The following TGFBR3L variants were observed in gnomAD, a reference collection of about 807,000 sequenced individuals.
The protein encoded by TGFBR3L is transforming growth factor beta receptor 3 like.
TGFBR3L carries 21 observed loss-of-function variants against 20.4 expected under a neutral mutation model. The ratio of observed to expected loss-of-function variants is 1.03; its 90% CI spans 0.73 to 1.48. TGFBR3L has a LOEUF of 1.48. Among genes scored for constraint, TGFBR3L ranks in the 40% most tolerant of loss-of-function variants. TGFBR3L has a pLI of 0.00. For synonymous variants in TGFBR3L, 245 were observed against 244.2 expected (o/e 1.00, Z -0.03); for missense variants, 479 against 498.0 (o/e 0.96, Z 0.36).
rs530905945 is a variant in TGFBR3L, at chr19:7,915,389, A to C, written c.-879A>C. 4.6e-5 allele frequency among the ~76,000 whole-genome samples: 7 copies of C among 152,192 alleles called. No homozygotes were observed. In the East Asian group the frequency reaches 9.7e-4, roughly 21 times the overall value. On this transcript the variant is annotated 5_prime_UTR_variant, in exon 1 of 6. Coordinates refer to ENST00000565886, the MANE Select transcript of TGFBR3L (RefSeq NM_001195259.2). Reference sequence around the variant, plus strand: ...CATCCCAAGGGTGGCTCACATCCCCACTTCGGCAAAGCTCCCTGCAGCCAC... The same window carrying C: ...CATCCCAAGGGTGGCTCACATCCCCCCTTCGGCAAAGCTCCCTGCAGCCAC...
At chr19:7,917,662 T>G (rs1035660678) in intron 3 of TGFBR3L, 39 bp from the exon 5 acceptor site, 7 of 1,428,502 alleles carry the variant, frequency 4.9e-6, no homozygotes, top group Admixed American at 2.8e-5. Flanking sequence ...GAAGGACGCC[T>G]GGGAGCTGGA....
Position 7,916,150 on chromosome 19 carries a change from C to T in TGFBR3L, c.-118C>T. On this transcript the variant is annotated 5_prime_UTR_variant, in exon 1 of 6. Transcript: ENST00000565886. ...GCCCCAGGGAGGGCTTCGCCAGCTT[C>T]GGAGGCTTCTCTAGGGGCGCATGGC... The T allele has an allele frequency of 7.0e-7, 1 of 1,437,498 alleles. No individual in the cohort carries two copies. Among genetic ancestry groups the T allele is most frequent in the Non-Finnish European group, 9.1e-7 (1 of 1,099,760 alleles). The allele number at this position is 1,437,498 out of a possible 1,614,324, so 89.0% of individuals were successfully genotyped here.
intron 2 of TGFBR3L, 105 bp from the exon 4 acceptor site, chr19:7,917,368 G>A (rs1983357668): frequency 7.1e-7 from 1 of 1,400,100 alleles, no homozygotes; most frequent in Non-Finnish European, 9.3e-7. Context: ...CATCTTGGCT[G>A]TGGTGGAGAG....
Position 7,915,218 on chromosome 19 carries a change from G to A in TGFBR3L, c.-1050G>A, listed in dbSNP as rs1178677759. Among the ~76,000 whole-genome samples, 1 of 152,030 alleles carries A rather than the reference G, an allele frequency of 6.6e-6. No individual in the cohort carries two copies. Among genetic ancestry groups the A allele is most frequent in the Non-Finnish European group, 1.5e-5 (1 of 67,982 alleles). On this transcript the variant is annotated 5_prime_UTR_variant, in exon 1 of 6. Transcript: ENST00000565886. ...TCGAACTCCTGACCTCAGGCGATCCGCCCGCCTCGAACTTTTCAAAGTGCT... is the reference window on the plus strand; with the variant it reads ...TCGAACTCCTGACCTCAGGCGATCCACCCGCCTCGAACTTTTCAAAGTGCT...
At position 7,916,192 on chromosome 19, in the gene TGFBR3L, T is replaced by A; in HGVS notation, c.-76T>A. On this transcript the variant is annotated 5_prime_UTR_variant, in exon 1 of 6. Transcript: ENST00000565886. The stretch of plus-strand genomic sequence containing the variant: ...GCGCATGGCTCTGCAACCGGCTCAG[T>A]TGCTGGGCTGTGCGAGTCCCAGGGG... The A allele has an allele frequency of 6.7e-7, 1 of 1,487,904 alleles. No homozygotes were observed. The highest frequency in any genetic ancestry group is 8.9e-7 in the Non-Finnish European group (1 of 1,121,838). 92.2% of individuals were successfully genotyped at this position (1,487,904 alleles called of 1,614,324 possible).
Position 7,916,058 on chromosome 19 carries a change from A to C in TGFBR3L, c.-210A>C. 1 of 890,318 alleles carries C rather than the reference A, an allele frequency of 1.1e-6. No individual in the cohort carries two copies. 55.2% of individuals were successfully genotyped at this position (890,318 alleles called of 1,614,324 possible). A position where few individuals can be genotyped will look rare whatever the true frequency, so the allele number is the denominator to read the frequency against. On this transcript the variant is annotated 5_prime_UTR_variant, in exon 1 of 6. Coordinates refer to ENST00000565886, the MANE Select transcript of TGFBR3L (RefSeq NM_001195259.2). Reference sequence around the variant, plus strand: ...GCGTCCCCAAGAGCAGCCCTGGGGAAGGTGGGGGAGCTCTGACTTCACCCA... The same window carrying C: ...GCGTCCCCAAGAGCAGCCCTGGGGACGGTGGGGGAGCTCTGACTTCACCCA...
rs1205946032 is a variant in TGFBR3L at position 7,916,634 on chromosome 19, C to T, written c.289C>T (p.Arg97Cys). The T allele has an allele frequency of 2.8e-5, 40 of 1,421,132 alleles. No homozygotes were observed. Among genetic ancestry groups the T allele is most frequent in the Non-Finnish European group, 3.5e-5 (38 of 1,098,816 alleles). The allele number at this position is 1,421,132 out of a possible 1,614,324, so 88.0% of individuals were successfully genotyped here. The stretch of plus-strand genomic sequence containing the variant: ...CTCCGTCCCCCAGGCGGCCTTGGCC[C>T]GTCCCTCCCCGCGCTGGGGCCTGGC... Residue 97 changes from arginine to cysteine, a missense_variant, in exon 2 of 6, where the codon CGT (arginine) becomes TGT (cysteine). Coordinates refer to ENST00000565886, the MANE Select transcript of TGFBR3L (RefSeq NM_001195259.2).
Position 7,916,516 on chromosome 19 carries a change from C to T in TGFBR3L, c.249C>T (p.Val83=). 4.0e-6 allele frequency: 6 copies of T among 1,511,560 alleles called. No homozygotes were observed. Among genetic ancestry groups the T allele is most frequent in the Non-Finnish European group, 5.3e-6 (6 of 1,132,458 alleles). The allele number at this position is 1,511,560 out of a possible 1,614,324, so 93.6% of individuals were successfully genotyped here. A position where few individuals can be genotyped will look rare whatever the true frequency, so the allele number is the denominator to read the frequency against. The stretch of plus-strand genomic sequence containing the variant: ...CTCGCCGCGCGGGGCCGCTCGAGGT[C>T]CCGGCCGACAGCCGCGTGTTCGTGC... Residue 83 remains valine, a synonymous_variant, in exon 1 of 6, where the codon GTC becomes GTT. Transcript: ENST00000565886.
chr19:7,915,488 G>A lies in TGFBR3L; in HGVS notation c.-780G>A, dbSNP rs776733923. The stretch of plus-strand genomic sequence containing the variant: ...CAGAAGTGGGTGTGGTGTGCGGATG[G>A]ACAAGGGGGCTCATGCCTGTAATCC... On this transcript the variant is annotated 5_prime_UTR_variant, in exon 1 of 6. Coordinates refer to ENST00000565886, the MANE Select transcript of TGFBR3L (RefSeq NM_001195259.2). 5.9e-5 allele frequency among the ~76,000 whole-genome samples: 9 copies of A among 152,200 alleles called. No homozygotes were observed. Among genetic ancestry groups the A allele is most frequent in the Non-Finnish European group, 1.0e-4 (7 of 68,036 alleles).
chr19:7,917,666 A>G (rs1280736267), intron 3 of TGFBR3L, 35 bp from the exon 5 acceptor site: 1 of 1,426,732 alleles, frequency 7.0e-7, no homozygotes, highest in South Asian at 1.4e-5. Context: ...GACGCCTGGG[A>G]GCTGGACCCA....
chr19:7,918,491 C>T (rs1983427143), intron 5 of TGFBR3L, among the ~76,000 whole-genome samples: 1 of 152,222 alleles, frequency 6.6e-6, no homozygotes, highest in African/African-American at 2.4e-5. Flanking sequence ...CCGCTTCGGT[C>T]TCCCAAAGTG....
In TGFBR3L at chr19:7,917,453, C is replaced by A. The variant is rs1384398961; in HGVS notation, c.598-20C>A. The A allele has an allele frequency of 4.6e-6, 7 of 1,522,174 alleles. No individual in the cohort carries two copies. The highest frequency in any genetic ancestry group is 6.1e-6 in the Non-Finnish European group (7 of 1,141,138). The allele number at this position is 1,522,174 out of a possible 1,614,324, so 94.3% of individuals were successfully genotyped here. On this transcript the variant is annotated intron_variant, in intron 2 of 5. Coordinates refer to ENST00000565886, the MANE Select transcript of TGFBR3L (RefSeq NM_001195259.2). ...GGTGCCCTGATGTCCCCGTCTCTTC[C>A]CCACCTTCCTCTCCCCCAGTGTCTG...
chr19:7,917,831 CG>C lies in TGFBR3L; in HGVS notation c.858del (p.Leu287TrpfsTer90). The C allele has an allele frequency of 7.2e-7, 1 of 1,381,904 alleles. No individual in the cohort carries two copies. Among genetic ancestry groups the C allele is most frequent in the Non-Finnish European group, 9.3e-7 (1 of 1,075,790 alleles). The allele number at this position is 1,381,904 out of a possible 1,614,324, so 85.6% of individuals were successfully genotyped here. A position where few individuals can be genotyped will look rare whatever the true frequency, so the allele number is the denominator to read the frequency against. On this transcript the variant is annotated frameshift_variant, in exon 4 of 6. Coordinates refer to ENST00000565886, the MANE Select transcript of TGFBR3L (RefSeq NM_001195259.2). LOFTEE classifies it high-confidence loss of function. ...TCGTGCTGGGCGCCGCGCTGGCCGC[CG>C]GGCTGGGTCTCGTCTGTGCGCACTC...
rs1164142148 is a variant in TGFBR3L, at chr19:7,918,774, A to G, written c.*6-143A>G. ...GGGGCATTAGGTGAGGAGAGGCACT[A>G]GGCGAGGAGAACTCAGCATTCGGAC... On this transcript the variant is annotated intron_variant, in intron 5 of 5. Coordinates refer to ENST00000565886, the MANE Select transcript of TGFBR3L (RefSeq NM_001195259.2). The G allele has an allele frequency of 1.5e-5, 6 of 396,862 alleles. No homozygotes were observed. The Admixed American group carries it at 2.6e-4, about 18-fold the overall frequency. The allele number at this position is 396,862 out of a possible 1,614,324, so 24.6% of individuals were successfully genotyped here. A position where few individuals can be genotyped will look rare whatever the true frequency, so the allele number is the denominator to read the frequency against.
chr19:7,916,728 A>G lies in TGFBR3L; in HGVS notation c.383A>G (p.Glu128Gly). 3 of 1,484,074 alleles carry G rather than the reference A, an allele frequency of 2.0e-6. No individual in the cohort carries two copies. Among genetic ancestry groups the G allele is most frequent in the Non-Finnish European group, 1.8e-6 (2 of 1,123,926 alleles). The allele number at this position is 1,484,074 out of a possible 1,614,324, so 91.9% of individuals were successfully genotyped here. Residue 128 changes from glutamate (E) to glycine (G), a missense_variant, in exon 2 of 6, where the codon GAG (glutamate) becomes GGG (glycine). Coordinates refer to ENST00000565886, the MANE Select transcript of TGFBR3L (RefSeq NM_001195259.2). ...GGGCCCGCCCTGGCTCTGCTGCGTG[A>G]GGGCTGCCCCGCCGACACCTCTGTC...
chr19:7,918,167 G>A, intron 5 of TGFBR3L, 38 bp downstream of exon 6: 2 of 1,525,408 alleles, frequency 1.3e-6, no homozygotes, highest in East Asian at 2.5e-5. Flanking sequence ...TGAGGTAGGA[G>A]ATCTGACAGT....
chr19:7,915,995 C>T lies in TGFBR3L; in HGVS notation c.-273C>T, dbSNP rs1244721998. 3.7e-6 allele frequency: 2 copies of T among 539,976 alleles called. No homozygotes were observed. The highest frequency in any genetic ancestry group is 2.0e-5 in the African/African-American group (1 of 51,208). 33.4% of individuals were successfully genotyped at this position (539,976 alleles called of 1,614,324 possible). On this transcript the variant is annotated 5_prime_UTR_variant, in exon 1 of 6. Coordinates refer to ENST00000565886, the MANE Select transcript of TGFBR3L (RefSeq NM_001195259.2). ...CTTCCCTTCCTCGTTGGTGACAGCACCTATCTCCCCTTAGAAAGGGGAGCC... is the reference window on the plus strand; with the variant it reads ...CTTCCCTTCCTCGTTGGTGACAGCATCTATCTCCCCTTAGAAAGGGGAGCC...
Position 7,916,905 on chromosome 19 carries a change from C to T in TGFBR3L, c.560C>T (p.Ala187Val). The change falls in exon 2 of 6, where the codon GCG becomes GTG. Residue 187 changes from alanine (A) to valine (V), a missense_variant. Transcript: ENST00000565886. ...CTCCGGGGAGTCCGCCGGGCGCCTG[C>T]GCCTCTGACGCCGCCGCCGCCGCCG... 2.3e-6 allele frequency: 3 copies of T among 1,316,578 alleles called. No individual in the cohort carries two copies. The highest frequency in any genetic ancestry group is 2.9e-6 in the Non-Finnish European group (3 of 1,040,900). 81.6% of individuals were successfully genotyped at this position (1,316,578 alleles called of 1,614,324 possible).
chr19:7,917,951 A>AC (rs1181580689), intron 4 of TGFBR3L, 92 bp downstream of exon 5: 1 of 1,446,452 alleles, frequency 6.9e-7, no homozygotes, highest in African/African-American at 1.4e-5. Context: ...GGCCTGATCA[A>AC]CCCTAGCTAG....
Sources: gnomAD v4.1 joint callset for allele counts (sites outside exome capture counted in the v4.1 genomes callset) on GRCh38, gnomAD v4.1.1 for gene constraint, MANE v1.5 for transcripts, NCBI Gene and HGNC (gene_info 2026-07-23, HGNC 2026-07-21) for gene names.